DNAH14: variants seen among roughly 807,000 people sequenced by gnomAD.
DNAH14 encodes the protein dynein axonemal heavy chain 14.
In DNAH14, 478 loss-of-function variants were observed where a neutral mutation model predicts 520.9. That is an observed-to-expected ratio of 0.92 (90% confidence interval 0.85 to 0.99). The LOEUF (loss-of-function observed/expected upper bound fraction) is 0.99, where lower values mean the gene tolerates loss of function less well. DNAH14 is among the 50% of genes least tolerant of loss of function. The pLI is 0.00. For missense variants in DNAH14, 4,831 were observed against 5,234.5 expected, an observed-to-expected ratio of 0.92 and a Z score of 2.38; for synonymous variants, 1,581 against 1,757.2, an observed-to-expected ratio of 0.90 and a Z score of 2.51.
intron 49 of DNAH14, among the ~76,000 whole-genome samples, chr1:225,270,022 C>T (rs532677404): frequency 1.2e-4 from 19 of 152,150 alleles, no homozygotes; most frequent in African/African-American, 3.9e-4. Context: ...CACATGCACA[C>T]GTATGTTTAT....
At chr1:225,342,708 A>G (rs982518316) in intron 69 of DNAH14, among the ~76,000 whole-genome samples, 57 of 151,650 alleles carry the variant, frequency 3.8e-4, no homozygotes, top group Middle Eastern at 3.4e-3. Context: ...ACACACACAC[A>G]CACACACACA....
chr1:225,008,285 T>C (rs2064359098), intron 10 of DNAH14, among the ~76,000 whole-genome samples: 1 of 152,212 alleles, frequency 6.6e-6, no homozygotes, highest in African/African-American at 2.4e-5. Context: ...TAGTATTCCA[T>C]GGTGTATATG....
At position 225,340,721 on chromosome 1, in the gene DNAH14, G is replaced by GAT. The variant is rs1558459113; in HGVS notation, c.10678+22_10678+23dup. The GAT allele has an allele frequency of 6.5e-7, 1 of 1,543,648 alleles. No homozygotes were observed. Among genetic ancestry groups the GAT allele is most frequent in the Non-Finnish European group, 8.7e-7 (1 of 1,143,006 alleles). ...CACTAGGTAAGTCAAGATATTTAGTGATAGTAAGAGATCTTTGCAAAGGAT... is the reference window on the plus strand; with the variant it reads ...CACTAGGTAAGTCAAGATATTTAGTGATATAGTAAGAGATCTTTGCAAAGGAT... On this transcript the variant is annotated intron_variant, in intron 69 of 85. Transcript: ENST00000682510.
At chr1:225,386,916 T>C (rs1283900826) in intron 81 of DNAH14, among the ~76,000 whole-genome samples, 1 of 152,200 alleles carries the variant, frequency 6.6e-6, no homozygotes, top group Non-Finnish European at 1.5e-5. Flanking sequence ...CATGCTGCTA[T>C]AATATAAAGA....
At chr1:225,352,112 A>G (rs2095373052) in intron 72 of DNAH14, among the ~76,000 whole-genome samples, 1 of 152,178 alleles carries the variant, frequency 6.6e-6, no homozygotes, top group Non-Finnish European at 1.5e-5. Flanking sequence ...TTTCAGAGAG[A>G]TTAAATACAC....
Position 225,359,202 on chromosome 1 carries a change from CT to C in DNAH14, c.11776+551del, listed in dbSNP as rs1190239135. Among the ~76,000 whole-genome samples the C allele has an allele frequency of 3.3e-5, 5 of 152,238 alleles. No homozygotes were observed. The East Asian group carries it at 9.6e-4, about 29-fold the overall frequency. On this transcript the variant is annotated intron_variant, in intron 74 of 85. Coordinates refer to ENST00000682510, the MANE Select transcript of DNAH14 (RefSeq NM_001367479.1). ...AACTTTATACTAAGAATAAATCTCT[CT>C]AAAGATACAACAAAGAGGAATAAAA...
intron 7 of DNAH14, among the ~76,000 whole-genome samples, chr1:224,971,106 T>A (rs1053898667): frequency 2.6e-5 from 4 of 152,188 alleles, no homozygotes; most frequent in African/African-American, 9.6e-5. Context: ...ATTTATCTAG[T>A]TTTAAGGTAC....
chr1:225,374,183 A>ATATATG (rs2095661413), intron 77 of DNAH14, among the ~76,000 whole-genome samples: 1 of 87,682 alleles, frequency 1.1e-5, no homozygotes, highest in African/African-American at 4.1e-5. Flanking sequence ...ATATATATAT[A>ATATATG]CTATTCTAGT....
chr1:225,003,797 T>G (rs1165882966), intron 9 of DNAH14, among the ~76,000 whole-genome samples: 2 of 152,070 alleles, frequency 1.3e-5, no homozygotes, highest in African/African-American at 2.4e-5. Flanking sequence ...CACAGAGGAA[T>G]CTCTTTGATT....
At chr1:225,185,462 T>G (rs1169760272) in intron 37 of DNAH14, 37 bp downstream of exon 37, 1 of 1,487,466 alleles carries the variant, frequency 6.7e-7, no homozygotes, top group African/African-American at 1.4e-5. Context: ...TCTCTATTTG[T>G]TCATATCTTA....
intron 6 of DNAH14, chr1:224,968,066 TC>T: frequency 1.7e-6 from 1 of 582,380 alleles, no homozygotes; most frequent in Non-Finnish European, 2.2e-6. Flanking sequence ...TTTTCTGCCT[TC>T]CCAGCCTCCC....
intron 75 of DNAH14, among the ~76,000 whole-genome samples, chr1:225,361,780 G>A (rs1405141768): frequency 6.6e-6 from 1 of 152,184 alleles, no homozygotes; most frequent in Non-Finnish European, 1.5e-5. Context: ...AATGCTTTGG[G>A]GAGCCAAGGC....
rs71170080 is a variant in DNAH14 at position 225,374,145 on chromosome 1, C to CTATATATATATATATATATATATA, written c.12319-528_12319-505dup. ...TGTATGTCCCAATATTTGTGTCTTA[C>CTATATATATATATATATATATATA]TATATATATATATATATATATATAT... On this transcript the variant is annotated intron_variant, in intron 77 of 85. Coordinates refer to ENST00000682510, the MANE Select transcript of DNAH14 (RefSeq NM_001367479.1). Among the ~76,000 whole-genome samples, 43 of 33,036 alleles carry CTATATATATATATATATATATATA rather than the reference C, an allele frequency of 1.3e-3. 3 individuals are homozygous for CTATATATATATATATATATATATA. Among genetic ancestry groups the CTATATATATATATATATATATATA allele is most frequent in the East Asian group, 4.9e-3 (1 of 206 alleles). The allele number at this position is 33,036 out of a possible 152,430, so 21.7% of individuals were successfully genotyped here.
Position 225,265,272 on chromosome 1 carries a change from T to A in DNAH14, c.7313T>A (p.Phe2438Tyr). ...GGAGTTGTAGTCTCTACAATAAATT[T>A]TAGCACCAATGTAACAGCTGCCAAA... is the stretch of plus-strand genomic sequence containing the variant. Reference protein sequence around the residue: ...HKGVVVSTINFSTNVTAAKTK... With the variant: ...HKGVVVSTINYSTNVTAAKTK... Residue 2438 changes from phenylalanine to tyrosine, a missense_variant, in exon 48 of 86, where the codon TTT becomes TAT. By Grantham distance (22) the Phe-to-Tyr change is conservative. Coordinates refer to ENST00000682510, the MANE Select transcript of DNAH14 (RefSeq NM_001367479.1). 6.5e-7 allele frequency: 1 copy of A among 1,544,334 alleles called. No homozygotes were observed. The highest frequency in any genetic ancestry group is 8.7e-7 in the Non-Finnish European group (1 of 1,144,704).
chr1:225,000,089 G>C (rs762078210), intron 8 of DNAH14, among the ~76,000 whole-genome samples: 1 of 152,120 alleles, frequency 6.6e-6, no homozygotes, highest in Non-Finnish European at 1.5e-5. Context: ...TATTTTTAGT[G>C]TGGGTCTGTT....
chr1:225,015,837 G>A (rs887530879), intron 10 of DNAH14, among the ~76,000 whole-genome samples: 3 of 152,188 alleles, frequency 2.0e-5, no homozygotes, highest in African/African-American at 4.8e-5. Context: ...AACAGCCTGG[G>A]CTCCAGAGGT....
intron 11 of DNAH14, 51 bp downstream of exon 11, chr1:225,023,916 A>ACATTGC (rs2065903114): frequency 2.7e-6 from 4 of 1,477,104 alleles, no homozygotes; most frequent in Non-Finnish European, 2.7e-6. Context: ...TAATATTTTA[A>ACATTGC]CATTGCCACA....
chr1:225,112,797 CA>C (rs1251495629), intron 23 of DNAH14, among the ~76,000 whole-genome samples: 1 of 151,932 alleles, frequency 6.6e-6, no homozygotes, highest in East Asian at 1.9e-4. Context: ...ATGTCAATTG[CA>C]TTTTTCAAAT....
intron 8 of DNAH14, among the ~76,000 whole-genome samples, chr1:224,988,938 A>G (rs1028893121): frequency 6.6e-6 from 1 of 152,070 alleles, no homozygotes; most frequent in African/African-American, 2.4e-5. Flanking sequence ...CCCAGCCTGA[A>G]CTCTTCTTTT....
Sources: allele counts gnomAD v4.1 joint callset (sites outside exome capture counted in the v4.1 genomes callset), GRCh38; gene constraint gnomAD v4.1.1; transcripts MANE v1.5; gene names NCBI Gene and HGNC (gene_info 2026-07-23, HGNC 2026-07-21).